MCF2L: variants seen among roughly 807,000 people sequenced by gnomAD.
MCF2L encodes the protein guanine nucleotide exchange factor DBS.
In MCF2L, 97 loss-of-function variants were observed where a neutral mutation model predicts 153.4. That is an observed-to-expected ratio of 0.63 (90% CI 0.54 to 0.75). The LOEUF (loss-of-function observed/expected upper bound fraction) is 0.75. MCF2L is among the 30% of genes least tolerant of loss of function. MCF2L has a pLI of 0.00. For missense variants in MCF2L, 1,347 were observed against 1,495.2 expected, an observed-to-expected ratio of 0.90 and a Z score of 1.64; for synonymous variants, 659 against 632.2, an observed-to-expected ratio of 1.04 and a Z score of -0.64.
chr13:112,921,367 G>A (rs1287415757), intron 2 of MCF2L, among the ~76,000 whole-genome samples: 1 of 152,220 alleles, frequency 6.6e-6, no homozygotes, highest in East Asian at 1.9e-4. Flanking sequence ...CGCCTCCATT[G>A]ATAAAGTCTG....
intron 4 of MCF2L, among the ~76,000 whole-genome samples, chr13:113,050,202 G>A (rs1347245611): frequency 1.3e-5 from 2 of 151,506 alleles, no homozygotes; most frequent in Non-Finnish European, 1.5e-5. Context: ...GCGAGTGGGA[G>A]TGTAAGTGAA....
chr13:112,954,073 C>T (rs552006924), intron 2 of MCF2L, among the ~76,000 whole-genome samples: 2 of 152,270 alleles, frequency 1.3e-5, no homozygotes, highest in Admixed American at 6.5e-5. Flanking sequence ...CCTGATGTTG[C>T]GAAGTGAGGT....
At chr13:113,001,769 G>GC in intron 1 of MCF2L, 9 of 1,395,206 alleles carry the variant, frequency 6.5e-6, no homozygotes, top group Non-Finnish European at 8.3e-6. Flanking sequence ...CCCTGCAGAG[G>GC]CCAGGTCTGC....
chr13:112,929,173 C>G (rs1426520147), intron 2 of MCF2L, among the ~76,000 whole-genome samples: 1 of 152,222 alleles, frequency 6.6e-6, no homozygotes, highest in Admixed American at 6.5e-5. Context: ...CTCATTTTGC[C>G]TTTTCCTGCC....
chr13:113,031,233 G>A lies in MCF2L; in HGVS notation c.278+6475G>A, dbSNP rs552140487. Among the ~76,000 whole-genome samples, 7 of 133,288 alleles carry A rather than the reference G, an allele frequency of 5.3e-5. No homozygotes were observed. Among genetic ancestry groups the A allele is most frequent in the Admixed American group, 2.2e-4 (3 of 13,466 alleles). 87.4% of individuals were successfully genotyped at this position (133,288 alleles called of 152,430 possible). A position where few individuals can be genotyped will look rare whatever the true frequency, so the allele number is the denominator to read the frequency against. On this transcript the variant is annotated intron_variant, in intron 3 of 29. Coordinates refer to ENST00000535094, the MANE Select transcript of MCF2L (RefSeq NM_001112732.3). This position sits in a 1 kb window ranked among gnomAD's most constrained non-coding sequence, Gnocchi z 5.5. The stretch of plus-strand genomic sequence containing the variant: ...AGACAGAGACAGAGAGAGACAGAGA[G>A]AAGAGACAGAGAGTGACAGAGATAG...
intron 2 of MCF2L, among the ~76,000 whole-genome samples, chr13:112,938,674 A>G (rs902252342): frequency 3.3e-5 from 5 of 152,152 alleles, no homozygotes. Flanking sequence ...CAGTTTTATC[A>G]TGCTCATGTC....
chr13:113,025,904 T>G lies in MCF2L; in HGVS notation c.278+1146T>G, dbSNP rs12867678. Among the ~76,000 whole-genome samples the G allele has an allele frequency of 4.6e-3, 202 of 43,886 alleles. 5 individuals are homozygous for G. The highest frequency in any genetic ancestry group is 4.9e-3 in the Non-Finnish European group (108 of 22,000). 28.8% of individuals were successfully genotyped at this position (43,886 alleles called of 152,430 possible). A position where few individuals can be genotyped will look rare whatever the true frequency, so the allele number is the denominator to read the frequency against. On this transcript the variant is annotated intron_variant, in intron 3 of 29. Coordinates refer to ENST00000535094, the MANE Select transcript of MCF2L (RefSeq NM_001112732.3). ...CAGAGTCCCTGTGAGGTTTCCCCAT[T>G]GTGGGGTCCCCGTGACTGTGGGTCG...
chr13:112,999,371 G>A (rs577102238), intron 1 of MCF2L, among the ~76,000 whole-genome samples: 1 of 148,248 alleles, frequency 6.7e-6, no homozygotes, highest in South Asian at 2.2e-4. Flanking sequence ...TCTGTACCAG[G>A]GGCCCCTCCT....
chr13:112,962,182 C>G (rs1485906541), intron 2 of MCF2L, among the ~76,000 whole-genome samples: 1 of 151,154 alleles, frequency 6.6e-6, no homozygotes, highest in Admixed American at 6.6e-5. Context: ...GATGCACACA[C>G]ACGCATGCAC....
intron 4 of MCF2L, among the ~76,000 whole-genome samples, chr13:113,058,538 C>T (rs1271937329): frequency 7.0e-6 from 1 of 143,352 alleles, no homozygotes; most frequent in Non-Finnish European, 1.5e-5. Flanking sequence ...TGTTTTGGCG[C>T]TGTGTGGGTG....
intron 2 of MCF2L, among the ~76,000 whole-genome samples, chr13:112,953,066 C>T (rs2081713047): frequency 6.6e-6 from 1 of 152,208 alleles, no homozygotes; most frequent in South Asian, 2.1e-4. Flanking sequence ...GTGGCCTGGA[C>T]TTGGGCCCCA....
chr13:113,079,816 A>T (rs1055823212), intron 15 of MCF2L, among the ~76,000 whole-genome samples: 1 of 3,168 alleles, frequency 3.2e-4, no homozygotes, highest in Non-Finnish European at 6.8e-4. Context: ...GGAATGTCTG[A>T]ATGGAGGAGG....
chr13:113,015,113 C>T (rs921060427), intron 2 of MCF2L, among the ~76,000 whole-genome samples: 13 of 152,196 alleles, frequency 8.5e-5, no homozygotes, highest in Non-Finnish European at 4.4e-5. Context: ...GCACCCCTGA[C>T]AGCAGCCTCC....
chr13:113,096,553 C>G lies in MCF2L; in HGVS notation c.3192C>G (p.Tyr1064Ter). 1 of 1,603,694 alleles carries G rather than the reference C, an allele frequency of 6.2e-7. No homozygotes were observed. Among genetic ancestry groups the G allele is most frequent in the Non-Finnish European group, 8.5e-7 (1 of 1,177,288 alleles). ...CGCTGACCCTCGCCCCTTGCAGGTA[C>G]GTCAGGGACCCGACCACTGGCAAGG... ...LVQEGDEGLW[Y>*]VRDPTTGKEG... is the part of the protein sequence containing the mutation. The change falls in exon 29 of 30, where the codon TAC becomes TAG. Residue 1064 changes from tyrosine (Y) to a stop codon, truncating the protein, a stop_gained. Transcript: ENST00000535094. LOFTEE classifies it high-confidence loss of function.
At chr13:113,084,324 T>TACCCCCGAACCTCCTGA (rs2034433244) in intron 18 of MCF2L, among the ~76,000 whole-genome samples, 1 of 146,186 alleles carries the variant, frequency 6.8e-6, no homozygotes, top group Non-Finnish European at 1.5e-5. Flanking sequence ...GGACCTCCTG[T>TACCCCCGAACCTCCTGA]ACCCCAGAAC....
Position 113,023,411 on chromosome 13 carries a change from G to T in MCF2L, c.164-1233G>T, listed in dbSNP as rs975257112. Among the ~76,000 whole-genome samples, 2 of 152,226 alleles carry T rather than the reference G, an allele frequency of 1.3e-5. 1 individual carries two copies. The highest frequency in any genetic ancestry group is 4.1e-4 in the South Asian group (2 of 4,826). ...CGTCCCGGGATCACTGGATGGTAAA[G>T]CCGCCCTGCCTGGCGTGGCTGGGCT... is the stretch of plus-strand genomic sequence containing the variant. On this transcript the variant is annotated intron_variant, in intron 2 of 29. Transcript: ENST00000535094.
At chr13:113,076,943 AC>A in intron 12 of MCF2L, 108 bp from the exon 13 acceptor site, 2 of 1,184,150 alleles carry the variant, frequency 1.7e-6, no homozygotes, top group South Asian at 3.0e-5. Flanking sequence ...CGCATGGAGA[AC>A]ATTTAAAGCG....
chr13:113,096,291 C>T (rs543022442), intron 27 of MCF2L, 80 bp from the exon 28 acceptor site: 3 of 1,148,584 alleles, frequency 2.6e-6, no homozygotes, highest in Non-Finnish European at 3.8e-6. Context: ...CGCTAAGGCC[C>T]GGCACTCCGC....
At chr13:112,913,988 G>T (rs1020347867) in intron 2 of MCF2L, among the ~76,000 whole-genome samples, 2 of 152,114 alleles carry the variant, frequency 1.3e-5, no homozygotes, top group South Asian at 2.1e-4. Context: ...ACTCCTTAGC[G>T]TTGCGTTGGG....
Sources: allele counts gnomAD v4.1 joint callset (sites outside exome capture counted in the v4.1 genomes callset), GRCh38; gene constraint gnomAD v4.1.1; non-coding constraint Gnocchi (gnomAD v3.1); transcripts MANE v1.5; gene names NCBI Gene and HGNC (gene_info 2026-07-23, HGNC 2026-07-21).